The following RHBDL2 variants were observed in gnomAD, a reference collection of about 807,000 sequenced individuals.
RHBDL2 encodes rhomboid-related protein 2.
Under a neutral mutation model 31.7 loss-of-function variants are expected in RHBDL2, and 26 were observed. The observed-to-expected ratio is 0.82, with a 90% CI of 0.60 to 1.14. RHBDL2 has a LOEUF of 1.14. Among genes scored for constraint, RHBDL2 ranks in the 50% most tolerant of loss-of-function variants. The pLI, the probability that RHBDL2 is intolerant of heterozygous loss-of-function variation, is 0.00. For synonymous variants in RHBDL2, 123 were observed against 127.2 expected, an observed-to-expected ratio of 0.97 and a Z score of 0.22; for missense variants, 336 against 364.4, an observed-to-expected ratio of 0.92 and a Z score of 0.63.
chr1:38,910,753 C>CTTTTTTTTTTTTTTTTTTTT (rs765064879), intron 4 of RHBDL2, among the ~76,000 whole-genome samples: 1 of 111,072 alleles, frequency 9.0e-6, no homozygotes, highest in Non-Finnish European at 1.8e-5. Flanking sequence ...TATTCCTTTT[C>CTTTTTTTTTTTTTTTTTTTT]TTTTTTTTTT....
chr1:38,934,658 CAA>C (rs369758227), intron 1 of RHBDL2, among the ~76,000 whole-genome samples: 2 of 123,790 alleles, frequency 1.6e-5, no homozygotes, highest in African/African-American at 3.1e-5. Flanking sequence ...AAGACTGTCT[CAA>C]AAAAAAAAAA....
At chr1:38,893,880 C>T (rs1036810559) in intron 5 of RHBDL2, among the ~76,000 whole-genome samples, 13 of 152,210 alleles carry the variant, frequency 8.5e-5, no homozygotes, top group African/African-American at 3.1e-4. Context: ...GCTGGGACTA[C>T]AGGTGCATTC....
In RHBDL2 at chr1:38,915,721, G is replaced by C. The variant is rs1557617374; in HGVS notation, c.247-11C>G. 1 of 1,614,006 alleles carries C rather than the reference G, an allele frequency of 6.2e-7. No homozygotes were observed. Among genetic ancestry groups the C allele is most frequent in the East Asian group, 2.2e-5 (1 of 44,876 alleles). On this transcript the variant is annotated splice_polypyrimidine_tract_variant and intron_variant, in intron 2 of 7. Coordinates refer to ENST00000372990, the MANE Select transcript of RHBDL2 (RefSeq NM_017821.5). ...AATAAACACTGCCAGCTGATGGAGGGAGCAGACATGAGTATTAACCACACC... is the reference window on the plus strand; with the variant it reads ...AATAAACACTGCCAGCTGATGGAGGCAGCAGACATGAGTATTAACCACACC...
intron 1 of RHBDL2, among the ~76,000 whole-genome samples, chr1:38,934,100 C>T (rs962158456): frequency 1.4e-4 from 22 of 152,210 alleles, no homozygotes; most frequent in Middle Eastern, 3.4e-3. Flanking sequence ...ATAATCCCAG[C>T]ACTTTGGGAA....
At chr1:38,908,598 C>T in intron 4 of RHBDL2, among the ~76,000 whole-genome samples, 1 of 151,694 alleles carries the variant, frequency 6.6e-6, no homozygotes, top group Non-Finnish European at 1.5e-5. Context: ...TTGTCCCCCT[C>T]GCAGGGCGTG....
chr1:38,921,471 A>G (rs991289069), intron 1 of RHBDL2, among the ~76,000 whole-genome samples: 8 of 152,160 alleles, frequency 5.3e-5, no homozygotes, highest in Admixed American at 3.3e-4. Flanking sequence ...TGAGTTTTAG[A>G]TGGATGGATG....
At chr1:38,890,714 T>C (rs9438981) in intron 6 of RHBDL2, among the ~76,000 whole-genome samples, 40 of 152,142 alleles carry the variant, frequency 2.6e-4, no homozygotes, top group African/African-American at 9.6e-4. Context: ...GGATTTTTTT[T>C]TTTTTGAGAC....
At chr1:38,926,459 T>C (rs1200611145) in intron 1 of RHBDL2, 1 of 152,542 alleles carries the variant, frequency 6.6e-6, no homozygotes, top group Non-Finnish European at 1.5e-5. Context: ...TTCAAGTGAT[T>C]CTGTAACTTA....
intron 1 of RHBDL2, among the ~76,000 whole-genome samples, chr1:38,921,253 G>A (rs1643311106): frequency 6.6e-6 from 1 of 152,170 alleles, no homozygotes; most frequent in African/African-American, 2.4e-5. Flanking sequence ...ATAGTGGCAC[G>A]TGCCTGTACT....
intron 3 of RHBDL2, among the ~76,000 whole-genome samples, 168 bp from the exon 4 acceptor site, chr1:38,911,602 CTGTGTGTGTGTGTGTGTGTGTG>C (rs56978792): frequency 5.6e-5 from 8 of 142,290 alleles, no homozygotes; most frequent in South Asian, 2.3e-4. Flanking sequence ...TTTCTTTTTT[CTGTGTGTGTGTGTGTGTGTGTG>C]TGTGTGTGTG....
chr1:38,933,721 T>C (rs1643462418), intron 1 of RHBDL2, among the ~76,000 whole-genome samples: 1 of 112,256 alleles, frequency 8.9e-6, no homozygotes. Flanking sequence ...TCACAGGTCT[T>C]CACAATTTTT....
At chr1:38,910,590 T>C (rs895918008) in intron 4 of RHBDL2, among the ~76,000 whole-genome samples, 2 of 152,130 alleles carry the variant, frequency 1.3e-5, no homozygotes, top group African/African-American at 4.8e-5. Context: ...CTTTGGTTAT[T>C]CTCTACATTC....
chr1:38,899,373 C>T (rs926530542), intron 4 of RHBDL2, among the ~76,000 whole-genome samples: 10 of 152,184 alleles, frequency 6.6e-5, no homozygotes, highest in African/African-American at 2.4e-4. Context: ...GGCCACCTTA[C>T]CCAGACCATC....
intron 4 of RHBDL2, among the ~76,000 whole-genome samples, chr1:38,904,004 T>A (rs947629058): frequency 1.3e-5 from 2 of 152,204 alleles, no homozygotes; most frequent in African/African-American, 4.8e-5. Context: ...GACTGTCTTT[T>A]CAACAAATGA....
chr1:38,888,032 G>A lies in RHBDL2; in HGVS notation c.671-8C>T. On this transcript the variant is annotated splice_region_variant and splice_polypyrimidine_tract_variant and intron_variant, in intron 6 of 7. Transcript: ENST00000372990. ...ATCCCATGTCCAACACAACTAGAAGGAAAAACACCCTGATAAAGGCTCAGA... is the reference window on the plus strand; with the variant it reads ...ATCCCATGTCCAACACAACTAGAAGAAAAAACACCCTGATAAAGGCTCAGA... The A allele has an allele frequency of 6.2e-7, 1 of 1,607,400 alleles. No homozygotes were observed. Among genetic ancestry groups the A allele is most frequent in the Admixed American group, 1.7e-5 (1 of 59,688 alleles).
At chr1:38,917,239 A>G (rs71642661) in intron 2 of RHBDL2, among the ~76,000 whole-genome samples, 8,488 of 151,792 alleles carry the variant, frequency 0.056, 255 homozygotes, top group Middle Eastern at 0.15. Context: ...GGATGGTCTC[A>G]ATCTCCTGAC....
At chr1:38,907,655 C>A (rs1331208805) in intron 4 of RHBDL2, among the ~76,000 whole-genome samples, 2 of 152,144 alleles carry the variant, frequency 1.3e-5, no homozygotes, top group Non-Finnish European at 2.9e-5. Context: ...ATCACTTGAG[C>A]ACAGGAGTTC....
chr1:38,907,849 A>T (rs1018546855), intron 4 of RHBDL2, among the ~76,000 whole-genome samples: 4 of 152,218 alleles, frequency 2.6e-5, no homozygotes, highest in Non-Finnish European at 5.9e-5. Flanking sequence ...TTAAGACATA[A>T]CCCCAAAAGT....
intron 4 of RHBDL2, among the ~76,000 whole-genome samples, chr1:38,905,273 C>A (rs973016656): frequency 1.3e-5 from 2 of 151,686 alleles, no homozygotes; most frequent in Non-Finnish European, 2.9e-5. Flanking sequence ...TTATATTGCC[C>A]AGGCTGGTCT....
Sources: gnomAD v4.1 joint callset for allele counts (sites outside exome capture counted in the v4.1 genomes callset) on GRCh38, gnomAD v4.1.1 for gene constraint, MANE v1.5 for transcripts, NCBI Gene and HGNC (gene_info 2026-07-23, HGNC 2026-07-21) for gene names.